Variants in SH2D4A observed in about 807,000 individuals in gnomAD.
SH2D4A encodes SH2 domain-containing protein 4A.
In SH2D4A, 70 loss-of-function variants were observed where a neutral mutation model predicts 64.7. That is an observed-to-expected ratio of 1.08 (90% CI 0.89 to 1.32). The LOEUF (loss-of-function observed/expected upper bound fraction) is 1.32. Ranked by LOEUF, SH2D4A falls within the 40% of genes most tolerant of loss-of-function variation. The probability of loss-of-function intolerance (pLI) is 0.00; values close to 1 mark genes in which losing one functional copy is unlikely to be tolerated. For synonymous variants in SH2D4A, 268 were observed against 200.7 expected, an observed-to-expected ratio of 1.34 and a Z score of -2.83; for missense variants, 706 against 540.1, an observed-to-expected ratio of 1.31 and a Z score of -3.04.
At chr8:19,354,878 T>C (rs1420647882) in intron 4 of SH2D4A, among the ~76,000 whole-genome samples, 1 of 152,050 alleles carries the variant, frequency 6.6e-6, no homozygotes, top group Non-Finnish European at 1.5e-5. Context: ...CAACTAAGAG[T>C]GTGTTTTAAA....
At chr8:19,383,314 CCCTGCTTAAATCTG>C (rs2053330474) in intron 8 of SH2D4A, among the ~76,000 whole-genome samples, 1 of 151,904 alleles carries the variant, frequency 6.6e-6, no homozygotes, top group Admixed American at 6.6e-5. Flanking sequence ...TCTTTCTTCT[CCCTGCTTAAATCTG>C]CCTGTGAATT....
At chr8:19,333,296 C>T (rs1226790396) in intron 3 of SH2D4A, among the ~76,000 whole-genome samples, 182 bp downstream of exon 3, 1 of 152,144 alleles carries the variant, frequency 6.6e-6, no homozygotes, top group East Asian at 1.9e-4. Flanking sequence ...CCTTTTGGAT[C>T]TCTTTAGAAG....
At chr8:19,369,100 G>A (rs2053051194) in intron 7 of SH2D4A, among the ~76,000 whole-genome samples, 1 of 152,016 alleles carries the variant, frequency 6.6e-6, no homozygotes, top group Non-Finnish European at 1.5e-5. Context: ...TGTGGTCTTT[G>A]TCTTTTATTC....
Position 19,364,141 on chromosome 8 carries a change from G to T in SH2D4A, c.776G>T (p.Arg259Met). Residue 259 changes from arginine (R) to methionine (M), a missense_variant, in exon 7 of 10, where the codon AGG (arginine) becomes ATG (methionine). Coordinates refer to ENST00000265807, the MANE Select transcript of SH2D4A (RefSeq NM_022071.4). ...LAKQAREDYK[R>M]LSLGAQKGRG... ...AAACAAGCACGAGAAGACTACAAGA[G>T]GTTATCCCTCGGGGCCCAGAAAGGA... 6.2e-7 allele frequency: 1 copy of T among 1,614,136 alleles called. No individual in the cohort carries two copies. The highest frequency in any genetic ancestry group is 8.5e-7 in the Non-Finnish European group (1 of 1,180,004).
At chr8:19,335,041 T>C (rs1328534707) in intron 4 of SH2D4A, among the ~76,000 whole-genome samples, 184 bp downstream of exon 4, 1 of 151,846 alleles carries the variant, frequency 6.6e-6, no homozygotes, top group African/African-American at 2.4e-5. Context: ...CCCAGCACTT[T>C]GGGAGGCCAA....
chr8:19,389,333 T>C (rs1387634513), intron 8 of SH2D4A, among the ~76,000 whole-genome samples: 1 of 152,068 alleles, frequency 6.6e-6, no homozygotes, highest in South Asian at 2.1e-4. Flanking sequence ...TCTAGAGAGG[T>C]TTAGAGCTAC....
rs539788014 is a variant in SH2D4A, at chr8:19,343,510, G to T, written c.513+8653G>T. On this transcript the variant is annotated intron_variant, in intron 4 of 9. Transcript: ENST00000265807. Reference sequence around the variant, plus strand: ...TTTTTGGTGGAAAAAAAAAGATTAGGTAGTAAAAAATGACATGAGATAACA... The same window carrying T: ...TTTTTGGTGGAAAAAAAAAGATTAGTTAGTAAAAAATGACATGAGATAACA... 2.6e-5 allele frequency among the ~76,000 whole-genome samples: 4 copies of T among 152,216 alleles called. No individual in the cohort carries two copies. In the South Asian group the frequency reaches 8.3e-4, roughly 32 times the overall value.
At chr8:19,315,198 C>A (rs907995235) in intron 1 of SH2D4A, among the ~76,000 whole-genome samples, 1 of 152,092 alleles carries the variant, frequency 6.6e-6, no homozygotes, top group East Asian at 1.9e-4. Flanking sequence ...TGCAGTGGTG[C>A]GATCTCGGCT....
chr8:19,380,678 A>G (rs1422072158), intron 8 of SH2D4A, among the ~76,000 whole-genome samples: 2 of 152,184 alleles, frequency 1.3e-5, no homozygotes, highest in Non-Finnish European at 2.9e-5. Context: ...AAATCATTTG[A>G]CCATGTCTAT....
intron 2 of SH2D4A, among the ~76,000 whole-genome samples, chr8:19,327,885 G>A (rs575865526): frequency 2.6e-5 from 4 of 152,216 alleles, no homozygotes; most frequent in East Asian, 1.9e-4. Flanking sequence ...CCCCACTGGC[G>A]TCCCCAGAAT....
chr8:19,394,819 T>C lies in SH2D4A; in HGVS notation c.*177T>C. On this transcript the variant is annotated 3_prime_UTR_variant, in exon 10 of 10. Transcript: ENST00000265807. ...CCTCTTTTCTGCACAAATACTGGAATTCAATGTCAAGAGAAAATGACCTCT... is the reference window on the plus strand; with the variant it reads ...CCTCTTTTCTGCACAAATACTGGAACTCAATGTCAAGAGAAAATGACCTCT... 2.4e-6 allele frequency: 1 copy of C among 411,724 alleles called. No homozygotes were observed. Among genetic ancestry groups the C allele is most frequent in the Admixed American group, 4.3e-5 (1 of 23,012 alleles). 25.5% of individuals were successfully genotyped at this position (411,724 alleles called of 1,614,324 possible).
chr8:19,376,167 C>T (rs372069678), intron 8 of SH2D4A, among the ~76,000 whole-genome samples: 21 of 152,130 alleles, frequency 1.4e-4, no homozygotes, highest in African/African-American at 3.9e-4. Flanking sequence ...GCTGGAGATG[C>T]GGGGAGGAAT....
intron 4 of SH2D4A, among the ~76,000 whole-genome samples, chr8:19,336,171 A>G (rs1210641254): frequency 6.6e-6 from 1 of 152,200 alleles, no homozygotes; most frequent in African/African-American, 2.4e-5. Flanking sequence ...AACTGAGGCT[A>G]GGTGTGGTTA....
intron 2 of SH2D4A, among the ~76,000 whole-genome samples, chr8:19,327,862 C>A (rs2052305780): frequency 6.6e-6 from 1 of 152,212 alleles, no homozygotes; most frequent in Non-Finnish European, 1.5e-5. Context: ...TTCCATCCCG[C>A]CTTTGTAGCC....
chr8:19,314,770 T>C (rs2117157225), intron 1 of SH2D4A, among the ~76,000 whole-genome samples: 1 of 152,324 alleles, frequency 6.6e-6, no homozygotes, highest in Non-Finnish European at 1.5e-5. Flanking sequence ...GGCATATGAG[T>C]GGAATTCTCT....
chr8:19,333,174 C>T (rs2117208414), intron 3 of SH2D4A, 60 bp downstream of exon 3: 1 of 1,534,146 alleles, frequency 6.5e-7, no homozygotes, highest in South Asian at 1.3e-5. Flanking sequence ...GAAAACATTG[C>T]AAACACACCT....
rs368863440 is a variant in SH2D4A, at chr8:19,388,014, TGCACTGTCCCCACATCAAG to T, written c.1049-5300_1049-5282del. ...GCTCAGATGTTGGAAGAGTCCATGA[TGCACTGTCCCCACATCAAG>T]GCATACTACACATACGTAACCAATC... On this transcript the variant is annotated intron_variant, in intron 8 of 9. Coordinates refer to ENST00000265807, the MANE Select transcript of SH2D4A (RefSeq NM_022071.4). Among the ~76,000 whole-genome samples, 979 of 152,320 alleles carry T rather than the reference TGCACTGTCCCCACATCAAG, an allele frequency of 6.4e-3. 10 individuals carry two copies. Among genetic ancestry groups the T allele is most frequent in the African/African-American group, 0.022 (926 of 41,562 alleles).
In SH2D4A at chr8:19,364,126, G is replaced by C. The variant is rs753072890; in HGVS notation, c.761G>C (p.Arg254Pro). The C allele has an allele frequency of 4.3e-6, 7 of 1,614,098 alleles. No homozygotes were observed. The East Asian group carries it at 8.9e-5, about 21-fold the overall frequency. Residue 254 changes from arginine (R) to proline (P), a missense_variant, in exon 7 of 10, where the codon CGA becomes CCA. Arg to Pro is a moderately radical substitution (Grantham distance 103). Coordinates refer to ENST00000265807, the MANE Select transcript of SH2D4A (RefSeq NM_022071.4). ...EKRRSLAKQA[R>P]EDYKRLSLGA... ...AGACGCTCCTTGGCTAAACAAGCAC[G>C]AGAAGACTACAAGAGGTTATCCCTC...
intron 8 of SH2D4A, among the ~76,000 whole-genome samples, chr8:19,392,790 G>A (rs1051380224): frequency 2.0e-5 from 3 of 151,928 alleles, no homozygotes; most frequent in Admixed American, 6.6e-5. Flanking sequence ...CAGGCTGGAG[G>A]GAGTGCAGTG....
Sources: allele counts gnomAD v4.1 joint callset (sites outside exome capture counted in the v4.1 genomes callset), GRCh38; gene constraint gnomAD v4.1.1; transcripts MANE v1.5; gene names NCBI Gene and HGNC (gene_info 2026-07-23, HGNC 2026-07-21).